The following ANKS1B variants were observed in gnomAD, a reference collection of about 807,000 sequenced individuals.
The protein encoded by ANKS1B is ankyrin repeat and sterile alpha motif domain-containing protein 1B.
Under a neutral mutation model 148.3 loss-of-function variants are expected in ANKS1B, and 36 were observed. The observed-to-expected ratio is 0.24, with a 90% CI of 0.19 to 0.32. The LOEUF is 0.32. Ranked by LOEUF, ANKS1B falls within the 10% of genes least tolerant of loss-of-function variation. The probability of loss-of-function intolerance (pLI) is 1.00; values close to 1 mark genes in which losing one functional copy is unlikely to be tolerated. For missense variants in ANKS1B, 1,157 were observed against 1,542.6 expected, an observed-to-expected ratio of 0.75 and a Z score of 4.19; for synonymous variants, 542 against 560.8, an observed-to-expected ratio of 0.97 and a Z score of 0.47.
In ANKS1B at chr12:99,165,919, G is replaced by A. The variant is rs910923963; in HGVS notation, c.2420-11524C>T. On this transcript the variant is annotated intron_variant, in intron 14 of 26. Coordinates refer to ENST00000683438, the MANE Select transcript of ANKS1B (RefSeq NM_001352186.2). Reference sequence around the variant, plus strand: ...AAATAGTATCCAACAATATATACAGGATGATACAATATGACTAAGTGAAGT... The same window carrying A: ...AAATAGTATCCAACAATATATACAGAATGATACAATATGACTAAGTGAAGT... 2.6e-5 allele frequency among the ~76,000 whole-genome samples: 4 copies of A among 151,742 alleles called. No homozygotes were observed. The East Asian group carries it at 5.8e-4, about 22-fold the overall frequency.
At chr12:99,117,440 A>G (rs2061673936) in intron 15 of ANKS1B, among the ~76,000 whole-genome samples, 1 of 152,128 alleles carries the variant, frequency 6.6e-6, no homozygotes, top group Non-Finnish European at 1.5e-5. Context: ...CCTTTTCTGT[A>G]CCTACTGAGA....
chr12:99,190,174 C>T (rs1191545051), intron 14 of ANKS1B, among the ~76,000 whole-genome samples: 1 of 152,106 alleles, frequency 6.6e-6, no homozygotes, highest in Non-Finnish European at 1.5e-5. Flanking sequence ...CAAACCACTG[C>T]TCAAGGAAAT....
intron 1 of ANKS1B, among the ~76,000 whole-genome samples, chr12:99,948,443 C>A (rs1476736607): frequency 6.6e-6 from 1 of 151,408 alleles, no homozygotes; most frequent in Non-Finnish European, 1.5e-5. Flanking sequence ...TTTACTTTGC[C>A]AAAATTAGTA....
At position 98,807,567 on chromosome 12, in the gene ANKS1B, A is replaced by C. The variant is rs950416999; in HGVS notation, c.3141+277T>G. Among the ~76,000 whole-genome samples, 6 of 152,274 alleles carry C rather than the reference A, an allele frequency of 3.9e-5. No homozygotes were observed. The East Asian group carries it at 1.2e-3, about 29-fold the overall frequency. ...TTCTTTTTCCTGTAAAAGCAAGTTT[A>C]ACACAGACGCCTGGAATGAAAGCCA... On this transcript the variant is annotated intron_variant, in intron 20 of 26. Coordinates refer to ENST00000683438, the MANE Select transcript of ANKS1B (RefSeq NM_001352186.2).
chr12:99,675,162 G>A (rs1045150055), intron 8 of ANKS1B, among the ~76,000 whole-genome samples: 3 of 151,904 alleles, frequency 2.0e-5, no homozygotes, highest in African/African-American at 7.2e-5. Flanking sequence ...AGGATAAGTT[G>A]GTAGTATGTG....
intron 11 of ANKS1B, among the ~76,000 whole-genome samples, chr12:99,407,025 C>A (rs56318743): frequency 0.084 from 12,193 of 145,480 alleles, 2,792 homozygotes; most frequent in African/African-American, 0.28. Context: ...TGAACTCATT[C>A]TACAAGGCTG....
At chr12:99,748,968 C>A (rs1402467880) in intron 8 of ANKS1B, among the ~76,000 whole-genome samples, 1 of 152,076 alleles carries the variant, frequency 6.6e-6, no homozygotes, top group East Asian at 1.9e-4. Flanking sequence ...TGCAACCACC[C>A]TCAATCATCT....
chr12:99,495,958 C>T (rs2096600284), intron 10 of ANKS1B, among the ~76,000 whole-genome samples: 1 of 152,162 alleles, frequency 6.6e-6, no homozygotes, highest in Non-Finnish European at 1.5e-5. Flanking sequence ...GATTATTCAC[C>T]AGATGGCATT....
At chr12:99,558,292 G>A (rs10860466) in intron 9 of ANKS1B, among the ~76,000 whole-genome samples, 30,542 of 152,036 alleles carry the variant, frequency 0.2, 3,164 homozygotes, top group East Asian at 0.24. Flanking sequence ...GCACATCCAC[G>A]CCAGCAGCAG....
At chr12:98,878,129 A>G (rs1385485378) in intron 17 of ANKS1B, among the ~76,000 whole-genome samples, 1 of 150,134 alleles carries the variant, frequency 6.7e-6, no homozygotes, top group Non-Finnish European at 1.5e-5. Context: ...AGGGGTAGCA[A>G]ATTATTCTTT....
At position 98,745,718 on chromosome 12, in the gene ANKS1B, A is replaced by G; in HGVS notation, c.*21T>C. On this transcript the variant is annotated 3_prime_UTR_variant, in exon 27 of 27. Coordinates refer to ENST00000683438, the MANE Select transcript of ANKS1B (RefSeq NM_001352186.2). Reference sequence around the variant, plus strand: ...ACCGCTTGGCGAGCAAGGCACCGCGAGGACAGGAGGACGGCGAGTATCAGA... The same window carrying G: ...ACCGCTTGGCGAGCAAGGCACCGCGGGGACAGGAGGACGGCGAGTATCAGA... The G allele has an allele frequency of 6.2e-7, 1 of 1,612,080 alleles. No homozygotes were observed. Among genetic ancestry groups the G allele is most frequent in the Non-Finnish European group, 8.5e-7 (1 of 1,178,988 alleles).
intron 1 of ANKS1B, among the ~76,000 whole-genome samples, chr12:99,874,526 C>T (rs542596397): frequency 6.6e-6 from 1 of 152,246 alleles, no homozygotes; most frequent in South Asian, 2.1e-4. Flanking sequence ...TTTACAAATA[C>T]TCTCAGCTCC....
At chr12:98,935,625 G>A (rs558667544) in intron 17 of ANKS1B, among the ~76,000 whole-genome samples, 2 of 152,256 alleles carry the variant, frequency 1.3e-5, no homozygotes, top group African/African-American at 4.8e-5. Context: ...TTGTTAGGAG[G>A]TTTTTATGAT....
intron 8 of ANKS1B, among the ~76,000 whole-genome samples, chr12:99,675,860 T>C (rs530959986): frequency 3.7e-4 from 56 of 152,292 alleles, no homozygotes; most frequent in African/African-American, 1.3e-3. Context: ...TAAAATGTTA[T>C]TGGCATGGGA....
At chr12:99,736,736 ACAAT>A (rs1452149325) in intron 8 of ANKS1B, among the ~76,000 whole-genome samples, 1 of 152,194 alleles carries the variant, frequency 6.6e-6, no homozygotes, top group African/African-American at 2.4e-5. Flanking sequence ...AGCAAAGGAA[ACAAT>A]CAACAGAGTG....
At chr12:99,695,404 G>A (rs923235348) in intron 8 of ANKS1B, among the ~76,000 whole-genome samples, 2 of 152,172 alleles carry the variant, frequency 1.3e-5, no homozygotes, top group Non-Finnish European at 1.5e-5. Context: ...CCCACTGAAC[G>A]TAGTGGTAGT....
chr12:99,336,944 T>C (rs776785296), intron 12 of ANKS1B, among the ~76,000 whole-genome samples: 1 of 152,124 alleles, frequency 6.6e-6, no homozygotes, highest in Non-Finnish European at 1.5e-5. Flanking sequence ...TTCTTTACAT[T>C]TGGCCTTTGG....
intron 21 of ANKS1B, among the ~76,000 whole-genome samples, chr12:98,799,830 TG>T (rs2098985442): frequency 6.6e-6 from 1 of 152,148 alleles, no homozygotes; most frequent in Non-Finnish European, 1.5e-5. Context: ...TTTTGCCTTT[TG>T]TCATTCCCCT....
At chr12:99,061,680 T>C (rs183330617) in intron 16 of ANKS1B, among the ~76,000 whole-genome samples, 24 of 152,358 alleles carry the variant, frequency 1.6e-4, no homozygotes, top group Admixed American at 1.4e-3. Context: ...TATGAATGTC[T>C]CTATTTCAGT....
Sources: gnomAD v4.1 joint callset for allele counts (sites outside exome capture counted in the v4.1 genomes callset) on GRCh38, gnomAD v4.1.1 for gene constraint, MANE v1.5 for transcripts, NCBI Gene and HGNC (gene_info 2026-07-23, HGNC 2026-07-21) for gene names.